FNBP1L: variants seen among roughly 807,000 people sequenced by gnomAD.
FNBP1L encodes the protein formin-binding protein 1-like.
FNBP1L carries 36 observed loss-of-function variants against 91.2 expected under a neutral mutation model. That is an observed-to-expected ratio of 0.39 (90% CI 0.30 to 0.52). The LOEUF (loss-of-function observed/expected upper bound fraction) is 0.52. Among genes scored for constraint, FNBP1L ranks in the 20% least tolerant of loss-of-function variants. The probability of loss-of-function intolerance (pLI) is 0.66; values close to 1 mark genes in which losing one functional copy is unlikely to be tolerated. For missense variants in FNBP1L, 571 were observed against 732.1 expected, an observed-to-expected ratio of 0.78 and a Z score of 2.54; for synonymous variants, 242 against 237.0, an observed-to-expected ratio of 1.02 and a Z score of -0.19.
chr1:93,485,673 G>C (rs1024501967), intron 1 of FNBP1L, among the ~76,000 whole-genome samples: 1 of 152,158 alleles, frequency 6.6e-6, no homozygotes, highest in Non-Finnish European at 1.5e-5. Flanking sequence ...CCAGTGCCAA[G>C]TACTATGTTA....
At chr1:93,519,886 G>C (rs1303075624) in intron 2 of FNBP1L, among the ~76,000 whole-genome samples, 1 of 152,186 alleles carries the variant, frequency 6.6e-6, no homozygotes, top group Non-Finnish European at 1.5e-5. Flanking sequence ...CCAGGAGTTT[G>C]AGGCTACAGT....
intron 5 of FNBP1L, among the ~76,000 whole-genome samples, chr1:93,528,822 TG>T: frequency 6.6e-6 from 1 of 151,996 alleles, no homozygotes. Flanking sequence ...TTTAAAGAAC[TG>T]GAAAAAACTG....
At position 93,552,502 on chromosome 1, in the gene FNBP1L, A is replaced by G. The variant is rs1432277002; in HGVS notation, c.*86A>G. 2 of 1,489,620 alleles carry G rather than the reference A, an allele frequency of 1.3e-6. No homozygotes were observed. Among genetic ancestry groups the G allele is most frequent in the Middle Eastern group, 3.5e-4 (2 of 5,720 alleles). 92.3% of individuals were successfully genotyped at this position (1,489,620 alleles called of 1,614,324 possible). ...GGAGGGTATTAGAGTTGTCAGGCTC[A>G]AAGAGAGTGAGAGAAGCAAGTTGCA... On this transcript the variant is annotated 3_prime_UTR_variant, in exon 17 of 17. Transcript: ENST00000271234.
intron 1 of FNBP1L, among the ~76,000 whole-genome samples, chr1:93,494,610 C>A (rs1181156773): frequency 6.6e-6 from 1 of 152,124 alleles, no homozygotes; most frequent in Non-Finnish European, 1.5e-5. Context: ...TTATGAATAA[C>A]AAAAGATGCT....
intron 5 of FNBP1L, among the ~76,000 whole-genome samples, chr1:93,527,409 T>G (rs889863368): frequency 6.6e-6 from 1 of 152,144 alleles, no homozygotes; most frequent in Non-Finnish European, 1.5e-5. Flanking sequence ...TGGTACTTGC[T>G]AAGGGCTTGG....
At chr1:93,496,697 C>A (rs1281381429) in intron 1 of FNBP1L, among the ~76,000 whole-genome samples, 10 of 152,026 alleles carry the variant, frequency 6.6e-5, no homozygotes, top group Admixed American at 5.9e-4. Context: ...AGCCATCTAG[C>A]CTTTTTTATG....
At chr1:93,517,394 A>T (rs1367438299) in intron 2 of FNBP1L, among the ~76,000 whole-genome samples, 1 of 152,040 alleles carries the variant, frequency 6.6e-6, no homozygotes, top group African/African-American at 2.4e-5. Flanking sequence ...GGCAACGATC[A>T]TAGCTCACTG....
In FNBP1L at chr1:93,541,078, A is replaced by G. The variant is rs1028992485; in HGVS notation, c.1164+22A>G. 2.6e-5 allele frequency: 40 copies of G among 1,534,002 alleles called. 1 individual carries two copies. The East Asian group carries it at 6.4e-4, about 24-fold the overall frequency. ...GATGGTAAGCCTTATGTGCTGATCTATATACTGTGCCAACATTAAGTAATC... is the reference window on the plus strand; with the variant it reads ...GATGGTAAGCCTTATGTGCTGATCTGTATACTGTGCCAACATTAAGTAATC... On this transcript the variant is annotated intron_variant, in intron 11 of 16. Coordinates refer to ENST00000271234, the MANE Select transcript of FNBP1L (RefSeq NM_001164473.3).
At chr1:93,473,360 G>A (rs1389855233) in intron 1 of FNBP1L, among the ~76,000 whole-genome samples, 3 of 151,730 alleles carry the variant, frequency 2.0e-5, no homozygotes, top group Admixed American at 6.6e-5. Flanking sequence ...CTTTCATGCC[G>A]GCTCTGCGAG....
At chr1:93,455,180 G>A (rs756024469) in intron 1 of FNBP1L, among the ~76,000 whole-genome samples, 2 of 152,100 alleles carry the variant, frequency 1.3e-5, no homozygotes, top group Non-Finnish European at 2.9e-5. Context: ...CACCCGCCTC[G>A]GCCTCCCAGA....
intron 16 of FNBP1L, chr1:93,552,185 GT>G (rs1672435997): frequency 7.5e-7 from 1 of 1,334,856 alleles, no homozygotes; most frequent in Non-Finnish European, 9.6e-7. Flanking sequence ...TGCAGTGCTG[GT>G]TGTGTGACCA....
chr1:93,536,189 T>G, intron 9 of FNBP1L, 143 bp from the exon 10 acceptor site: 1 of 531,374 alleles, frequency 1.9e-6, no homozygotes, highest in Non-Finnish European at 3.0e-6. Flanking sequence ...GGCAAAACTA[T>G]GTTTACTTTC....
intron 1 of FNBP1L, among the ~76,000 whole-genome samples, chr1:93,485,065 T>C (rs1337630087): frequency 6.6e-6 from 1 of 151,768 alleles, no homozygotes; most frequent in African/African-American, 2.4e-5. Flanking sequence ...GCAGGAGGAT[T>C]GCTTGAGCCC....
At chr1:93,533,101 T>C in intron 8 of FNBP1L, 33 bp downstream of exon 8, 29 of 1,599,772 alleles carry the variant, frequency 1.8e-5, no homozygotes, top group Non-Finnish European at 2.5e-5. Context: ...TGAATGCATC[T>C]GTTTGGTTTA....
chr1:93,552,180 T>C, intron 16 of FNBP1L: 6 of 1,329,872 alleles, frequency 4.5e-6, no homozygotes, highest in Non-Finnish European at 5.8e-6. Context: ...GATTGTGCAG[T>C]GCTGGTTGTG....
intron 1 of FNBP1L, among the ~76,000 whole-genome samples, chr1:93,454,548 T>C (rs1668596250): frequency 6.6e-6 from 1 of 152,174 alleles, no homozygotes; most frequent in South Asian, 2.1e-4. Context: ...ATTTGAAGGA[T>C]GTTATTTCCT....
At chr1:93,544,324 A>G (rs1672146047) in intron 12 of FNBP1L, 108 bp downstream of exon 12, 1 of 605,026 alleles carries the variant, frequency 1.7e-6, no homozygotes, top group Non-Finnish European at 2.6e-6. Flanking sequence ...TCCTAATTGA[A>G]ATATCTTTTG....
intron 2 of FNBP1L, among the ~76,000 whole-genome samples, chr1:93,520,673 G>A (rs1174633092): frequency 6.6e-6 from 1 of 152,076 alleles, no homozygotes; most frequent in Non-Finnish European, 1.5e-5. Flanking sequence ...ACTGTATGGG[G>A]TAGGTACTGT....
intron 2 of FNBP1L, among the ~76,000 whole-genome samples, chr1:93,507,840 A>T (rs1168104232): frequency 6.6e-6 from 1 of 151,076 alleles, no homozygotes; most frequent in Non-Finnish European, 1.5e-5. Context: ...GTAGAGACGG[A>T]GTTTTGCCAT....
Sources: allele counts gnomAD v4.1 joint callset (sites outside exome capture counted in the v4.1 genomes callset), GRCh38; gene constraint gnomAD v4.1.1; transcripts MANE v1.5; gene names NCBI Gene and HGNC (gene_info 2026-07-23, HGNC 2026-07-21).